The following TOM1L2 variants were observed in gnomAD, a reference collection of about 807,000 sequenced individuals.
TOM1L2 encodes target of myb1 like 2 membrane trafficking protein.
In TOM1L2, 31 loss-of-function variants were observed where a neutral mutation model predicts 67.9. The ratio of observed to expected loss-of-function variants is 0.46; its 90% CI spans 0.34 to 0.62. The LOEUF (loss-of-function observed/expected upper bound fraction) is 0.62, where lower values mean the gene tolerates loss of function less well. Ranked by LOEUF, TOM1L2 falls within the 20% of genes least tolerant of loss-of-function variation. TOM1L2 has a pLI of 0.01. For synonymous variants in TOM1L2, 256 were observed against 254.0 expected, an observed-to-expected ratio of 1.01 and a Z score of -0.07; for missense variants, 606 against 663.5, an observed-to-expected ratio of 0.91 and a Z score of 0.95.
chr17:17,883,659 A>G (rs1300064278), intron 5 of TOM1L2, among the ~76,000 whole-genome samples: 1 of 152,198 alleles, frequency 6.6e-6, no homozygotes, highest in African/African-American at 2.4e-5. Context: ...GCGTGAACCC[A>G]GAAGGCGGAG....
rs559789198 is a variant in TOM1L2, at chr17:17,867,237, C to T, written c.912-313G>A. On this transcript the variant is annotated intron_variant, in intron 8 of 14. Coordinates refer to ENST00000379504, the MANE Select transcript of TOM1L2 (RefSeq NM_001082968.2). Reference sequence around the variant, plus strand: ...GGGCCCTGGAGGGAGGGTGGCTTAACCACCTTACCTTGGAGCTGCAGACTC... The same window carrying T: ...GGGCCCTGGAGGGAGGGTGGCTTAATCACCTTACCTTGGAGCTGCAGACTC... 9.4e-4 allele frequency among the ~76,000 whole-genome samples: 137 copies of T among 146,438 alleles called. 1 individual carries two copies. Among genetic ancestry groups the T allele is most frequent in the African/African-American group, 3.6e-3 (132 of 36,564 alleles).
At chr17:17,865,413 G>A (rs554831201) in intron 10 of TOM1L2, among the ~76,000 whole-genome samples, 25 of 152,184 alleles carry the variant, frequency 1.6e-4, no homozygotes, top group African/African-American at 3.4e-4. Flanking sequence ...AGATGGAGTC[G>A]TCCCCCAGGC....
At chr17:17,852,838 C>T (rs1047191530) in intron 12 of TOM1L2, among the ~76,000 whole-genome samples, 3 of 143,682 alleles carry the variant, frequency 2.1e-5, no homozygotes, top group Non-Finnish European at 3.0e-5. Context: ...GCACTCCACC[C>T]TGGGCAACAA....
intron 10 of TOM1L2, among the ~76,000 whole-genome samples, chr17:17,863,111 G>A (rs1409633948): frequency 1.3e-5 from 2 of 152,204 alleles, no homozygotes; most frequent in African/African-American, 4.8e-5. Context: ...GGGTGACAAG[G>A]CAGGGACTGG....
At chr17:17,899,770 T>G (rs1002239339) in intron 2 of TOM1L2, among the ~76,000 whole-genome samples, 3 of 152,252 alleles carry the variant, frequency 2.0e-5, no homozygotes, top group African/African-American at 7.2e-5. Context: ...TACTGGTCTT[T>G]CCCAGCTTGC....
intron 12 of TOM1L2, among the ~76,000 whole-genome samples, chr17:17,853,358 G>C (rs996226475): frequency 1.3e-5 from 2 of 152,196 alleles, no homozygotes; most frequent in African/African-American, 4.8e-5. Flanking sequence ...TGTTGCAAAA[G>C]CTACAACAAA....
chr17:17,860,198 G>A (rs528543998), intron 12 of TOM1L2, among the ~76,000 whole-genome samples: 5 of 152,366 alleles, frequency 3.3e-5, no homozygotes, highest in Admixed American at 6.5e-5. Context: ...CAGTATCCTG[G>A]TAGGCCCCTG....
intron 1 of TOM1L2, among the ~76,000 whole-genome samples, chr17:17,929,161 C>T (rs1357750966): frequency 6.6e-6 from 1 of 152,152 alleles, no homozygotes; most frequent in African/African-American, 2.4e-5. Context: ...AGAATGCAGT[C>T]GGGACTGTGG....
At chr17:17,864,303 C>T (rs1159176858) in intron 10 of TOM1L2, among the ~76,000 whole-genome samples, 9 of 151,822 alleles carry the variant, frequency 5.9e-5, no homozygotes, top group East Asian at 1.9e-4. Context: ...CTCCGCCTCC[C>T]GGGTTCACGC....
At chr17:17,970,595 A>G (rs1351971203) in intron 1 of TOM1L2, among the ~76,000 whole-genome samples, 1 of 152,200 alleles carries the variant, frequency 6.6e-6, no homozygotes, top group Non-Finnish European at 1.5e-5. Flanking sequence ...GTGAGAATCC[A>G]GAGACTCTCC....
chr17:17,871,914 T>C (rs912853155), intron 7 of TOM1L2: 23 of 907,398 alleles, frequency 2.5e-5, no homozygotes, highest in Non-Finnish European at 3.0e-5. Flanking sequence ...GGGATCTTAA[T>C]TGCAGGGGAC....
At chr17:17,869,724 C>T in intron 7 of TOM1L2, 1 of 1,199,202 alleles carries the variant, frequency 8.3e-7, no homozygotes. Context: ...CAAGTACATG[C>T]TTGTACAAAT....
intron 1 of TOM1L2, among the ~76,000 whole-genome samples, chr17:17,915,983 T>C (rs982887182): frequency 6.6e-6 from 1 of 152,072 alleles, no homozygotes; most frequent in Non-Finnish European, 1.5e-5. Flanking sequence ...GATTGTCCCA[T>C]TTATCTATTT....
chr17:17,893,112 A>C (rs2038378777), intron 4 of TOM1L2, among the ~76,000 whole-genome samples: 2 of 152,252 alleles, frequency 1.3e-5, no homozygotes, highest in Non-Finnish European at 2.9e-5. Context: ...TAACAAATAC[A>C]ACCCAAATAT....
intron 1 of TOM1L2, among the ~76,000 whole-genome samples, chr17:17,960,511 AT>A (rs2041636619): frequency 1.3e-5 from 2 of 151,954 alleles, no homozygotes; most frequent in African/African-American, 4.8e-5. Flanking sequence ...TAATTTTTGT[AT>A]TTTTTTGTAG....
At chr17:17,931,217 C>T (rs866269271) in intron 1 of TOM1L2, among the ~76,000 whole-genome samples, 13 of 152,150 alleles carry the variant, frequency 8.5e-5, no homozygotes, top group Non-Finnish European at 1.8e-4. Context: ...TTTACCCATC[C>T]TATCCTCTTT....
intron 7 of TOM1L2, among the ~76,000 whole-genome samples, chr17:17,875,909 T>C (rs958060706): frequency 6.6e-6 from 1 of 152,226 alleles, no homozygotes; most frequent in African/African-American, 2.4e-5. Context: ...TAGATTTCTC[T>C]AGAGAAAATG....
intron 2 of TOM1L2, among the ~76,000 whole-genome samples, chr17:17,905,588 G>C (rs1598306097): frequency 6.6e-6 from 1 of 152,212 alleles, no homozygotes. Flanking sequence ...GCCCAGGCTA[G>C]AATGCAGTGA....
At chr17:17,953,322 A>G (rs1598400769) in intron 1 of TOM1L2, among the ~76,000 whole-genome samples, 1 of 152,168 alleles carries the variant, frequency 6.6e-6, no homozygotes, top group Non-Finnish European at 1.5e-5. Context: ...TGTTATGTGT[A>G]TTTTACCACC....
Sources: gnomAD v4.1 joint callset for allele counts (sites outside exome capture counted in the v4.1 genomes callset) on GRCh38, gnomAD v4.1.1 for gene constraint, MANE v1.5 for transcripts, NCBI Gene and HGNC (gene_info 2026-07-23, HGNC 2026-07-21) for gene names.